CREB5: variants seen among roughly 807,000 people sequenced by gnomAD.
CREB5 encodes cAMP responsive element binding protein 5, also known as cyclic AMP-responsive element-binding protein 5.
CREB5 carries 19 observed loss-of-function variants against 57.1 expected under a neutral mutation model. That is an observed-to-expected ratio of 0.33 (90% CI 0.23 to 0.49). The LOEUF (loss-of-function observed/expected upper bound fraction) is 0.49, where lower values mean the gene tolerates loss of function less well. CREB5 is among the 20% of genes least tolerant of loss of function. The pLI is 0.99. For synonymous variants in CREB5, 238 were observed against 238.3 expected (o/e 1.00, Z 0.01); for missense variants, 579 against 671.6 (o/e 0.86, Z 1.52).
chr7:28,322,661 T>C (rs1015725525), intron 1 of CREB5, among the ~76,000 whole-genome samples: 4 of 151,788 alleles, frequency 2.6e-5, no homozygotes, highest in Non-Finnish European at 4.4e-5. Flanking sequence ...ATGTTCTCAT[T>C]GTTCAATTCC....
chr7:28,735,011 T>C (rs1343389557), intron 7 of CREB5, among the ~76,000 whole-genome samples: 1 of 152,194 alleles, frequency 6.6e-6, no homozygotes, highest in African/African-American at 2.4e-5. Context: ...ATTTTGAAAA[T>C]TCTTACTAAT....
At chr7:28,325,156 G>A (rs1785563650) in intron 1 of CREB5, among the ~76,000 whole-genome samples, 1 of 152,152 alleles carries the variant, frequency 6.6e-6, no homozygotes. Flanking sequence ...CTGGAGAGAT[G>A]TTTAAAAAAT....
chr7:28,626,610 G>T lies in CREB5; in HGVS notation c.464+56073G>T, dbSNP rs562964134. The stretch of plus-strand genomic sequence containing the variant: ...CCTCTGTTGCCACTTCAAACCCTGG[G>T]GTGATGGAACAGAATCGATTTTATT... On this transcript the variant is annotated intron_variant, in intron 5 of 10. Transcript: ENST00000357727. 1.6e-4 allele frequency among the ~76,000 whole-genome samples: 24 copies of T among 152,240 alleles called. No homozygotes were observed. The South Asian group carries it at 5.0e-3, about 32-fold the overall frequency.
chr7:28,560,975 T>TGC (rs1270769785), intron 4 of CREB5, among the ~76,000 whole-genome samples: 24 of 23,424 alleles, frequency 1.0e-3, no homozygotes, highest in Middle Eastern at 0.033. Context: ...TGTGTGTGCG[T>TGC]GTGTGCGTGC....
chr7:28,716,501 T>C (rs911117580), intron 5 of CREB5, among the ~76,000 whole-genome samples: 20 of 152,232 alleles, frequency 1.3e-4, no homozygotes, highest in Non-Finnish European at 1.5e-4. Context: ...GAGATGGATA[T>C]ATAGACGGAT....
chr7:28,734,309 T>C (rs1378883144), intron 7 of CREB5, among the ~76,000 whole-genome samples: 3 of 151,844 alleles, frequency 2.0e-5, no homozygotes, highest in Non-Finnish European at 4.4e-5. Context: ...ACTTTTTGCC[T>C]TCAATACATA....
At position 28,309,440 on chromosome 7, in the gene CREB5, T is replaced by C. The variant is rs74551405; in HGVS notation, c.-25+9999T>C. ...TGGATTTGCCTGGCTTTCTGGCACA[T>C]GCTTCTGATTTGTGTCCACTTTCCT... On this transcript the variant is annotated intron_variant, in intron 1 of 9. Coordinates refer to the CREB5 transcript ENST00000396299. Among the ~76,000 whole-genome samples, 1,013 of 152,290 alleles carry C rather than the reference T, an allele frequency of 6.7e-3. 12 individuals are homozygous for C. Among genetic ancestry groups the C allele is most frequent in the African/African-American group, 0.023 (969 of 41,564 alleles).
chr7:28,625,626 C>A (rs1797971393), intron 5 of CREB5, among the ~76,000 whole-genome samples: 1 of 152,194 alleles, frequency 6.6e-6, no homozygotes, highest in East Asian at 1.9e-4. Flanking sequence ...GCCAAGGCAA[C>A]TGCGTTGCCT....
intron 5 of CREB5, among the ~76,000 whole-genome samples, chr7:28,609,354 C>T (rs1046354652): frequency 2.0e-5 from 3 of 152,102 alleles, no homozygotes; most frequent in Non-Finnish European, 4.4e-5. Context: ...TGAGCCCTGA[C>T]CTTACCTGCT....
At chr7:28,428,459 T>C (rs1434520438) in intron 1 of CREB5, among the ~76,000 whole-genome samples, 5 of 151,962 alleles carry the variant, frequency 3.3e-5, no homozygotes, top group African/African-American at 1.2e-4. Context: ...ACTGGGTAGG[T>C]TCTGGGAAAG....
intron 9 of CREB5, among the ~76,000 whole-genome samples, chr7:28,816,991 A>T (rs1809477789): frequency 6.6e-6 from 1 of 152,188 alleles, no homozygotes; most frequent in East Asian, 1.9e-4. Flanking sequence ...TTATGTTTAT[A>T]TTTGTAGACA....
chr7:28,508,589 T>A (rs954627001), intron 4 of CREB5, among the ~76,000 whole-genome samples: 3 of 152,226 alleles, frequency 2.0e-5, no homozygotes, highest in African/African-American at 7.2e-5. Flanking sequence ...TCTCTAAGTG[T>A]TTCAAAGCCT....
rs530733518 is a variant in CREB5 at position 28,418,973 on chromosome 7, G to C, written c.3+6056G>C. On this transcript the variant is annotated intron_variant, in intron 1 of 10. Coordinates refer to ENST00000357727, the MANE Select transcript of CREB5 (RefSeq NM_182898.4). ...TCCCATGCATTATTTGCAGTTAAAT[G>C]GTTTCCTTGCTAATACCTCTTACTT... is the stretch of plus-strand genomic sequence containing the variant. Among the ~76,000 whole-genome samples, 7 of 152,256 alleles carry C rather than the reference G, an allele frequency of 4.6e-5. No homozygotes were observed. The South Asian group carries it at 1.5e-3, about 32-fold the overall frequency.
chr7:28,407,435 C>A (rs42709), intron 1 of CREB5, among the ~76,000 whole-genome samples: 93,335 of 151,996 alleles, frequency 0.61, 28,717 homozygotes, highest in African/African-American at 0.65. Context: ...ATAGTTGAGG[C>A]AACTGAGAAC....
Position 28,609,513 on chromosome 7 carries a change from A to G in CREB5, c.464+38976A>G, listed in dbSNP as rs550481685. Among the ~76,000 whole-genome samples the G allele has an allele frequency of 2.2e-4, 33 of 152,356 alleles. No homozygotes were observed. The South Asian group carries it at 6.0e-3, about 28-fold the overall frequency. ...TGATAAAAGGTAGTTTTAAAATAGA[A>G]CAATCCTCTTGCATGTATTTTTATT... is the stretch of plus-strand genomic sequence containing the variant. On this transcript the variant is annotated intron_variant, in intron 5 of 10. Coordinates refer to ENST00000357727, the MANE Select transcript of CREB5 (RefSeq NM_182898.4).
intron 5 of CREB5, among the ~76,000 whole-genome samples, chr7:28,623,794 A>G (rs1285244203): frequency 1.3e-5 from 2 of 152,222 alleles, no homozygotes; most frequent in Non-Finnish European, 1.5e-5. Context: ...ATAGCAGAGG[A>G]GTTTTGTGGT....
Position 28,819,775 on chromosome 7 carries a change from CTTTT to C in CREB5, c.*502_*505del, listed in dbSNP as rs1035626757. The C allele has an allele frequency of 6.6e-6, 1 of 151,692 alleles. No individual in the cohort carries two copies. The highest frequency in any genetic ancestry group is 1.5e-5 in the Non-Finnish European group (1 of 67,950). 9.4% of individuals were successfully genotyped at this position (151,692 alleles called of 1,614,324 possible). ...GATAAACACACAGCCTTTCCCATAC[CTTTT>C]TTTTTCTTACTATAAAATATTATAA... On this transcript the variant is annotated 3_prime_UTR_variant, in exon 11 of 11. Transcript: ENST00000357727.
At chr7:28,561,017 C>CGT (rs1182301327) in intron 4 of CREB5, among the ~76,000 whole-genome samples, 17 of 30,468 alleles carry the variant, frequency 5.6e-4, no homozygotes, top group African/African-American at 1.5e-3. Context: ...TGTGTGTGTG[C>CGT]GTGTGTGCGT....
intron 1 of CREB5, among the ~76,000 whole-genome samples, chr7:28,461,350 G>T (rs1790345356): frequency 6.6e-6 from 1 of 152,212 alleles, no homozygotes; most frequent in African/African-American, 2.4e-5. Context: ...TGTTTATGGA[G>T]TGCCTATTAT....
Sources: gnomAD v4.1 joint callset for allele counts (sites outside exome capture counted in the v4.1 genomes callset) on GRCh38, gnomAD v4.1.1 for gene constraint, MANE v1.5 for transcripts, NCBI Gene and HGNC (gene_info 2026-07-23, HGNC 2026-07-21) for gene names.